FAM135B: variants seen among roughly 807,000 people sequenced by gnomAD.
FAM135B encodes the protein protein FAM135B.
FAM135B carries 43 observed loss-of-function variants against 127.7 expected under a neutral mutation model. The ratio of observed to expected loss-of-function variants is 0.34; its 90% confidence interval spans 0.26 to 0.43. The LOEUF (loss-of-function observed/expected upper bound fraction) is 0.43. FAM135B is among the 20% of genes least tolerant of loss of function. The pLI is 1.00. For synonymous variants in FAM135B, 670 were observed against 665.1 expected (o/e 1.01, Z -0.11); for missense variants, 1,558 against 1,725.6 (o/e 0.90, Z 1.72).
intron 1 of FAM135B, among the ~76,000 whole-genome samples, chr8:138,443,685 G>T (rs1022058041): frequency 6.6e-6 from 1 of 152,122 alleles, no homozygotes; most frequent in African/African-American, 2.4e-5. Flanking sequence ...AGGGTGTATG[G>T]AACCCTCCTG....
At chr8:138,149,406 A>G (rs1291755096) in intron 13 of FAM135B, among the ~76,000 whole-genome samples, 3 of 152,088 alleles carry the variant, frequency 2.0e-5, no homozygotes, top group Non-Finnish European at 1.5e-5. Flanking sequence ...CACCACTCCC[A>G]GCCTCCACAA....
At chr8:138,334,451 G>A (rs747901381) in intron 2 of FAM135B, among the ~76,000 whole-genome samples, 1 of 152,114 alleles carries the variant, frequency 6.6e-6, no homozygotes, top group Admixed American at 6.5e-5. Context: ...AGGAAAACTT[G>A]TATCATGGGG....
rs1302112307 is a variant in FAM135B, at chr8:138,141,479, C to G, written c.3639-130G>C. ...AATGTAGGGGAACTGGCAAAGAGAA[C>G]AGGGACTGCCAACTCAACCTCATCA... is the stretch of plus-strand genomic sequence containing the variant. On this transcript the variant is annotated intron_variant, in intron 16 of 19. Transcript: ENST00000395297. The surrounding 1 kb of genome is among the most constrained non-coding windows in gnomAD (Gnocchi z 4.7). 1 of 904,828 alleles carries G rather than the reference C, an allele frequency of 1.1e-6. No homozygotes were observed. Among genetic ancestry groups the G allele is most frequent in the Non-Finnish European group, 1.7e-6 (1 of 576,570 alleles). 56.0% of individuals were successfully genotyped at this position (904,828 alleles called of 1,614,324 possible).
At chr8:138,313,331 C>T (rs1355601963) in intron 2 of FAM135B, among the ~76,000 whole-genome samples, 1 of 152,114 alleles carries the variant, frequency 6.6e-6, no homozygotes, top group African/African-American at 2.4e-5. Context: ...TGCGTTTCAC[C>T]ATGTAGGCCA....
chr8:138,318,807 G>T (rs1250632844), intron 2 of FAM135B, among the ~76,000 whole-genome samples: 1 of 152,182 alleles, frequency 6.6e-6, no homozygotes, highest in East Asian at 1.9e-4. Flanking sequence ...TAGGAATAGG[G>T]TGAAAGTTTA....
intron 7 of FAM135B, among the ~76,000 whole-genome samples, chr8:138,236,194 G>A (rs1820261273): frequency 6.6e-6 from 1 of 152,106 alleles, no homozygotes; most frequent in Non-Finnish European, 1.5e-5. Flanking sequence ...GCATACATAG[G>A]TAAATAAATC....
intron 2 of FAM135B, among the ~76,000 whole-genome samples, chr8:138,330,372 A>G (rs1359080476): frequency 6.6e-6 from 1 of 152,140 alleles, no homozygotes. Flanking sequence ...GCAAGAACAG[A>G]GCCTAGAAAA....
At chr8:138,295,091 C>G (rs1402607559) in intron 3 of FAM135B, among the ~76,000 whole-genome samples, 1 of 144,574 alleles carries the variant, frequency 6.9e-6, no homozygotes, top group Non-Finnish European at 1.5e-5. Flanking sequence ...TCAATACCAC[C>G]CTTGCTGGTG....
chr8:138,135,371 CTCTT>C (rs1392214312), intron 19 of FAM135B, among the ~76,000 whole-genome samples: 3 of 152,148 alleles, frequency 2.0e-5, no homozygotes. Flanking sequence ...AGATCATTGA[CTCTT>C]TATTTATTGT....
intron 7 of FAM135B, among the ~76,000 whole-genome samples, chr8:138,219,459 CA>C (rs1818855598): frequency 6.6e-6 from 1 of 152,162 alleles, no homozygotes; most frequent in Non-Finnish European, 1.5e-5. Context: ...CACCAGGTAC[CA>C]ATAAATGCCC....
At chr8:138,260,579 A>G (rs899497230) in intron 4 of FAM135B, among the ~76,000 whole-genome samples, 5 of 152,108 alleles carry the variant, frequency 3.3e-5, no homozygotes, top group Non-Finnish European at 7.4e-5. Flanking sequence ...TCATGGCCAA[A>G]TCTTAGAGTC....
At chr8:138,195,099 A>C (rs1218445197) in intron 9 of FAM135B, among the ~76,000 whole-genome samples, 159 bp downstream of exon 9, 1 of 152,234 alleles carries the variant, frequency 6.6e-6, no homozygotes, top group Non-Finnish European at 1.5e-5. Flanking sequence ...ACAGTGATGT[A>C]GGGTAACAGA....
chr8:138,284,387 G>A (rs1215157962), intron 3 of FAM135B, among the ~76,000 whole-genome samples: 2 of 152,124 alleles, frequency 1.3e-5, no homozygotes, highest in African/African-American at 2.4e-5. Flanking sequence ...AGTTTTGTCT[G>A]AGAAGAATCT....
intron 2 of FAM135B, 73 bp from the exon 3 acceptor site, chr8:138,310,993 T>G: frequency 8.1e-7 from 1 of 1,229,928 alleles, no homozygotes; most frequent in Non-Finnish European, 1.2e-6. Flanking sequence ...TACCTAGAAT[T>G]AATCCTGAAA....
In FAM135B at chr8:138,167,401, G is replaced by T. The variant is rs371465822; in HGVS notation, c.1258+494C>A. Among the ~76,000 whole-genome samples, 7 of 152,164 alleles carry T rather than the reference G, an allele frequency of 4.6e-5. No homozygotes were observed. The South Asian group carries it at 1.5e-3, about 32-fold the overall frequency. On this transcript the variant is annotated intron_variant, in intron 12 of 19. Transcript: ENST00000395297. ...AGTAGAGATGGGGTTTCTCCATTTT[G>T]GCCAGGCTGGTCTTGAACTCCTGAC...
At chr8:138,189,376 C>A (rs1336998488) in intron 9 of FAM135B, among the ~76,000 whole-genome samples, 1 of 152,192 alleles carries the variant, frequency 6.6e-6, no homozygotes, top group Non-Finnish European at 1.5e-5. Context: ...TCACTTCAAC[C>A]TCATTTTTCC....
intron 1 of FAM135B, among the ~76,000 whole-genome samples, chr8:138,444,401 G>A (rs1181023351): frequency 6.6e-6 from 1 of 152,160 alleles, no homozygotes; most frequent in African/African-American, 2.4e-5. Context: ...ATAGTTGGAA[G>A]TAAAGCACTC....
chr8:138,264,250 G>C (rs1331997633), intron 4 of FAM135B, among the ~76,000 whole-genome samples: 1 of 152,182 alleles, frequency 6.6e-6, no homozygotes, highest in African/African-American at 2.4e-5. Context: ...TCTCTGGGAG[G>C]CCTCTTCTGT....
intron 2 of FAM135B, among the ~76,000 whole-genome samples, chr8:138,359,547 T>C (rs1830286934): frequency 1.3e-5 from 2 of 152,178 alleles, no homozygotes; most frequent in African/African-American, 4.8e-5. Flanking sequence ...TGTTTCTTAG[T>C]CAAGCAAAGC....
Sources: allele counts gnomAD v4.1 joint callset (sites outside exome capture counted in the v4.1 genomes callset), GRCh38; gene constraint gnomAD v4.1.1; non-coding constraint Gnocchi (gnomAD v3.1); transcripts MANE v1.5; gene names NCBI Gene and HGNC (gene_info 2026-07-23, HGNC 2026-07-21).